LRBA: variants seen among roughly 807,000 people sequenced by gnomAD.
The protein encoded by LRBA is LPS responsive beige-like anchor protein.
In LRBA, 176 loss-of-function variants were observed where a neutral mutation model predicts 330.0. The ratio of observed to expected loss-of-function variants is 0.53; its 90% CI spans 0.47 to 0.60. The LOEUF is 0.60. Among genes scored for constraint, LRBA ranks in the 20% least tolerant of loss-of-function variants. The pLI is 0.00. For missense variants in LRBA, 3,259 were observed against 3,444.8 expected (o/e 0.95, Z 1.35); for synonymous variants, 1,230 against 1,193.0 (o/e 1.03, Z -0.64).
intron 2 of LRBA, among the ~76,000 whole-genome samples, chr4:150,957,472 T>C (rs1380112512): frequency 1.3e-5 from 2 of 148,546 alleles, no homozygotes; most frequent in African/African-American, 2.6e-5. Context: ...CATGTGGGAA[T>C]TGTGGGAGCT....
Position 150,971,836 on chromosome 4 carries a change from T to C in LRBA, c.216+42591A>G, listed in dbSNP as rs151330707. ...AAAAAACAGGTATGCAATCTGAAGC[T>C]TGTGTTAAAGAAAGAAGGTAAAAAT... On this transcript the variant is annotated intron_variant, in intron 2 of 56. Transcript: ENST00000651943. Among the ~76,000 whole-genome samples the C allele has an allele frequency of 5.8e-3, 890 of 152,298 alleles. 11 individuals carry two copies. The highest frequency in any genetic ancestry group is 0.02 in the African/African-American group (833 of 41,568).
intron 40 of LRBA, among the ~76,000 whole-genome samples, chr4:150,505,179 A>G (rs1760881988): frequency 6.6e-6 from 1 of 152,188 alleles, no homozygotes; most frequent in Admixed American, 6.5e-5. Context: ...ATGAGACAGA[A>G]AGTTAACAAG....
At chr4:150,594,679 C>A (rs1029959320) in intron 38 of LRBA, among the ~76,000 whole-genome samples, 1 of 151,956 alleles carries the variant, frequency 6.6e-6, no homozygotes, top group African/African-American at 2.4e-5. Context: ...ACTTAAACTG[C>A]AATTGTTACA....
chr4:150,385,063 C>G (rs1029360642), intron 47 of LRBA, among the ~76,000 whole-genome samples: 2 of 152,076 alleles, frequency 1.3e-5, no homozygotes, highest in African/African-American at 4.8e-5. Context: ...GAACAGCCAA[C>G]ATTTATAGCA....
At chr4:150,939,468 A>C (rs2149524573) in intron 2 of LRBA, among the ~76,000 whole-genome samples, 1 of 152,352 alleles carries the variant, frequency 6.6e-6, no homozygotes, top group South Asian at 2.1e-4. Context: ...AACATGAAAC[A>C]GATTCTCACA....
At chr4:150,268,236 A>AAAT (rs985823177) in intron 56 of LRBA, among the ~76,000 whole-genome samples, 28 of 152,342 alleles carry the variant, frequency 1.8e-4, no homozygotes, top group South Asian at 2.1e-4. Context: ...CTGAATGAAG[A>AAAT]AATAGAAATG....
rs535429991 is a variant in LRBA, at chr4:150,424,787, C to T, written c.7042-9197G>A. 8.5e-5 allele frequency among the ~76,000 whole-genome samples: 13 copies of T among 152,318 alleles called. 1 individual carries two copies. The East Asian group carries it at 1.2e-3, about 14-fold the overall frequency. ...GCAAACACCACACAGAAAGTGGCCC[C>T]GGCCATGAATTGATGTTTTTTTTCT... On this transcript the variant is annotated intron_variant, in intron 46 of 56. Coordinates refer to ENST00000651943, the MANE Select transcript of LRBA (RefSeq NM_001364905.1).
intron 44 of LRBA, among the ~76,000 whole-genome samples, chr4:150,439,760 C>A (rs6850737): frequency 0.022 from 3,319 of 152,222 alleles, 54 homozygotes; most frequent in Non-Finnish European, 0.032. Flanking sequence ...AATGACAGTG[C>A]TGTATATCAC....
intron 42 of LRBA, among the ~76,000 whole-genome samples, chr4:150,475,165 ATTTGTTTCCTAAAT>A (rs1415839621): frequency 1.3e-5 from 2 of 152,126 alleles, no homozygotes; most frequent in Non-Finnish European, 2.9e-5. Flanking sequence ...ATACTGCTGA[ATTTGTTTCCTAAAT>A]TTTGTTTTAA....
At chr4:150,496,565 A>T (rs546597057) in intron 40 of LRBA, among the ~76,000 whole-genome samples, 2 of 152,176 alleles carry the variant, frequency 1.3e-5, no homozygotes, top group South Asian at 2.1e-4. Context: ...AAAAGTGATA[A>T]AATGTTTTAC....
rs543816805 is a variant in LRBA at position 150,501,833 on chromosome 4, T to A, written c.6331-10798A>T. Among the ~76,000 whole-genome samples the A allele has an allele frequency of 4.6e-5, 7 of 152,296 alleles. No homozygotes were observed. The South Asian group carries it at 1.5e-3, about 32-fold the overall frequency. ...TGAACATAATATACTGAAAAGTTGTTTTCAAAATATTAAATATTAAGCAAT... is the reference window on the plus strand; with the variant it reads ...TGAACATAATATACTGAAAAGTTGTATTCAAAATATTAAATATTAAGCAAT... On this transcript the variant is annotated intron_variant, in intron 40 of 56. Transcript: ENST00000651943.
intron 40 of LRBA, among the ~76,000 whole-genome samples, chr4:150,532,095 T>C (rs1245999417): frequency 6.6e-6 from 1 of 152,204 alleles, no homozygotes; most frequent in Non-Finnish European, 1.5e-5. Context: ...GGACTGTCAT[T>C]CTCATCTCCC....
chr4:150,799,948 T>C (rs1741360270), intron 33 of LRBA, among the ~76,000 whole-genome samples: 1 of 152,210 alleles, frequency 6.6e-6, no homozygotes, highest in African/African-American at 2.4e-5. Context: ...TTTCACCATG[T>C]TGGCCACGCT....
chr4:150,881,224 A>G (rs1305410480), intron 17 of LRBA, among the ~76,000 whole-genome samples: 1 of 152,234 alleles, frequency 6.6e-6, no homozygotes, highest in Non-Finnish European at 1.5e-5. Flanking sequence ...TCGTATGTGT[A>G]TTACAGCACT....
intron 40 of LRBA, among the ~76,000 whole-genome samples, chr4:150,504,871 A>T (rs1373677132): frequency 6.6e-6 from 1 of 152,204 alleles, no homozygotes; most frequent in Non-Finnish European, 1.5e-5. Context: ...AAATAAAGGG[A>T]TGGAGGAAGA....
chr4:150,326,013 C>G, intron 48 of LRBA, 115 bp from the exon 49 acceptor site: 1 of 693,622 alleles, frequency 1.4e-6, no homozygotes, highest in Non-Finnish European at 2.6e-6. Flanking sequence ...TGCTGAAAAT[C>G]AACCTGTGTT....
intron 23 of LRBA, 30 bp from the exon 24 acceptor site, chr4:150,850,932 T>G (rs1420620637): frequency 6.6e-7 from 1 of 1,519,740 alleles, no homozygotes; most frequent in African/African-American, 1.4e-5. Context: ...AGTAATAAAA[T>G]AGGTTCAACT....
intron 35 of LRBA, among the ~76,000 whole-genome samples, chr4:150,736,850 A>G (rs189163446): frequency 6.6e-5 from 10 of 152,288 alleles, no homozygotes; most frequent in African/African-American, 2.4e-4. Flanking sequence ...AGAGGCCTTC[A>G]AAAGAGCAAC....
chr4:150,960,183 T>C (rs1299864584), intron 2 of LRBA, among the ~76,000 whole-genome samples: 2 of 149,206 alleles, frequency 1.3e-5, no homozygotes. Context: ...ACTCCAGTGA[T>C]TTAATGGATC....
Sources: allele counts gnomAD v4.1 joint callset (sites outside exome capture counted in the v4.1 genomes callset), GRCh38; gene constraint gnomAD v4.1.1; transcripts MANE v1.5; gene names NCBI Gene and HGNC (gene_info 2026-07-23, HGNC 2026-07-21).